REG3A: variants seen among roughly 807,000 people sequenced by gnomAD.
REG3A encodes the protein regenerating islet-derived protein 3-alpha.
In REG3A, 15 loss-of-function variants were observed where a neutral mutation model predicts 20.5. The observed-to-expected ratio is 0.73, with a 90% confidence interval of 0.49 to 1.12. REG3A has a LOEUF of 1.12. Among genes scored for constraint, REG3A ranks in the 50% most tolerant of loss-of-function variants. The pLI is 0.00. For missense variants in REG3A, 224 were observed against 213.1 expected, an observed-to-expected ratio of 1.05 and a Z score of -0.32; for synonymous variants, 93 against 83.2, an observed-to-expected ratio of 1.12 and a Z score of -0.64.
intron 4 of REG3A, 41 bp downstream of exon 4, chr2:79,158,285 G>C (rs765360947): frequency 4.4e-6 from 7 of 1,598,888 alleles, no homozygotes; most frequent in Non-Finnish European, 6.0e-6. Context: ...GGCAACAATA[G>C]CACCTTGAGA....
chr2:79,158,914 C>G, intron 2 of REG3A, 145 bp from the exon 3 acceptor site: 1 of 654,126 alleles, frequency 1.5e-6, no homozygotes, highest in Non-Finnish European at 2.6e-6. Flanking sequence ...TTCAGAAATT[C>G]TTTATCTCAA....
rs1673377664 is a variant in REG3A at position 79,158,743 on chromosome 2, A to T, written c.103T>A (p.Ser35Thr). The change falls in exon 3 of 6, where the codon TCT (serine) becomes ACT (threonine). Residue 35 changes from serine to threonine, a missense_variant. Ser to Thr is a moderately conservative substitution (Grantham distance 58). Coordinates refer to ENST00000305165, the MANE Select transcript of REG3A (RefSeq NM_002580.3). ...CCTTTGGGACAGCGGATCCGTGCAG[A>T]GGGCAGTTCCCTCTGGGGTTCTTCA... ...QGEEPQRELP[S>T]ARIRCPKGSK... 2.5e-6 allele frequency: 4 copies of T among 1,613,676 alleles called. No homozygotes were observed. The highest frequency in any genetic ancestry group is 3.4e-6 in the Non-Finnish European group (4 of 1,179,908).
chr2:79,157,741 G>T, intron 4 of REG3A, 43 bp from the exon 5 acceptor site: 2 of 1,594,300 alleles, frequency 1.3e-6, no homozygotes, highest in Non-Finnish European at 1.7e-6. Context: ...AATGGCCATT[G>T]CAGCTCTTCT....
intron 2 of REG3A, 112 bp downstream of exon 2, chr2:79,159,218 C>T (rs1042325581): frequency 2.7e-6 from 3 of 1,103,854 alleles, no homozygotes; most frequent in East Asian, 2.4e-5. Context: ...GAACTGCAGG[C>T]AGGTTCATTA....
intron 2 of REG3A, 173 bp downstream of exon 2, chr2:79,159,157 C>T (rs1393304828): frequency 3.0e-6 from 2 of 667,464 alleles, no homozygotes; most frequent in Non-Finnish European, 5.2e-6. Flanking sequence ...TAGTGGACCA[C>T]CATGGAGCCT....
chr2:79,159,220 G>C (rs759485861), intron 2 of REG3A, 110 bp downstream of exon 2: 22 of 1,141,530 alleles, frequency 1.9e-5, no homozygotes, highest in African/African-American at 4.6e-5. Flanking sequence ...ACTGCAGGCA[G>C]GTTCATTAGA....
At chr2:79,159,508 G>C in intron 1 of REG3A, 69 bp from the exon 2 acceptor site, 1 of 1,131,792 alleles carries the variant, frequency 8.8e-7, no homozygotes, top group South Asian at 1.3e-5. Context: ...TCCTTCTCTA[G>C]TCCCCTAGGA....
intron 5 of REG3A, 68 bp downstream of exon 5, chr2:79,157,504 A>C (rs1002243112): frequency 1.3e-6 from 2 of 1,585,508 alleles, no homozygotes. Flanking sequence ...AGATTTCCTG[A>C]AGGTCAGACC....
In REG3A at chr2:79,159,359, G is replaced by A. The variant is rs1370503388; in HGVS notation, c.47C>T (p.Ser16Phe). 1 of 1,613,824 alleles carries A rather than the reference G, an allele frequency of 6.2e-7. No individual in the cohort carries two copies. Residue 16 changes from serine to phenylalanine, a missense_variant, in exon 2 of 6, where the codon TCC (serine) becomes TTC (phenylalanine). Ser to Phe is a radical substitution (Grantham distance 155). Coordinates refer to ENST00000305165, the MANE Select transcript of REG3A (RefSeq NM_002580.3). ...AACCTGAGACAGCAGCATGAGGCAG[G>A]AAAGCAGCATCCAAGATACACTGGG... is the stretch of plus-strand genomic sequence containing the variant. ...ALPSVSWMLL[S>F]CLMLLSQVQG...
chr2:79,158,328 G>A lies in REG3A; in HGVS notation c.331C>T (p.Gln111Ter). 2 of 1,613,598 alleles carry A rather than the reference G, an allele frequency of 1.2e-6. No individual in the cohort carries two copies. Among genetic ancestry groups the A allele is most frequent in the Non-Finnish European group, 8.5e-7 (1 of 1,179,704 alleles). Residue 111 changes from glutamine (Q) to a stop codon, truncating the protein, a stop_gained and splice_region_variant, in exon 4 of 6, where the codon CAG becomes TAG. Transcript: ENST00000305165. LOFTEE classifies it high-confidence loss of function. ...YVWIGLHDPT[Q>*]GTEPNGEGWE... is the part of the protein sequence containing the mutation. ...GAGAGGGGAGGATATACTGGCACCT[G>A]TGTGGGGTCATGGAGCCCAATCCAG...
chr2:79,158,908 G>A, intron 2 of REG3A, 139 bp from the exon 3 acceptor site: 1 of 664,070 alleles, frequency 1.5e-6, no homozygotes, highest in Non-Finnish European at 2.6e-6. Flanking sequence ...TATGTTTTCA[G>A]AAATTCTTTA....
At chr2:79,157,405 G>T in intron 5 of REG3A, 112 bp from the exon 6 acceptor site, 1 of 1,437,668 alleles carries the variant, frequency 7.0e-7, no homozygotes, top group South Asian at 1.2e-5. Context: ...ACCTTCACCA[G>T]TGTCCCAATC....
Position 79,157,655 on chromosome 2 carries a change from T to C in REG3A, c.377A>G (p.Asp126Gly), listed in dbSNP as rs1176214554. The C allele has an allele frequency of 6.2e-7, 1 of 1,613,974 alleles. No individual in the cohort carries two copies. Among genetic ancestry groups the C allele is most frequent in the Non-Finnish European group, 8.5e-7 (1 of 1,180,010 alleles). ...CTCCCATGCAAAGTAATTCATCACA[T>C]CACTGCTACTCCACTCCCAACCTTC... ...NGEGWEWSSS[D>G]VMNYFAWERN... Residue 126 changes from aspartate (D) to glycine (G), a missense_variant, in exon 5 of 6, where the codon GAT (aspartate) becomes GGT (glycine). Asp to Gly is a moderately conservative substitution (Grantham distance 94). Transcript: ENST00000305165.
In REG3A at chr2:79,158,787, G is replaced by C. The variant is rs2272110; in HGVS notation, c.77-18C>G. On this transcript the variant is annotated intron_variant, in intron 2 of 5. Coordinates refer to ENST00000305165, the MANE Select transcript of REG3A (RefSeq NM_002580.3). ...TTCTTCACCTGAGGTGGAAGAAGAGGGGGGAGGGTAAAATGAAGAGTGGGG... is the reference window on the plus strand; with the variant it reads ...TTCTTCACCTGAGGTGGAAGAAGAGCGGGGAGGGTAAAATGAAGAGTGGGG... 5.0e-6 allele frequency: 8 copies of C among 1,599,482 alleles called. No individual in the cohort carries two copies. Among genetic ancestry groups the C allele is most frequent in the South Asian group, 1.1e-5 (1 of 90,518 alleles).
rs145613581 is a variant in REG3A at position 79,157,233 on chromosome 2, G to A, written c.521C>T (p.Thr174Ile). The change falls in exon 6 of 6, where the codon ACT (threonine) becomes ATT (isoleucine). Residue 174 changes from threonine (T) to isoleucine (I), a missense_variant. Thr to Ile is a moderately conservative substitution (Grantham distance 89). Transcript: ENST00000305165. The stretch of plus-strand genomic sequence containing the variant: ...GCTGACTTCCCTCCTGCACTAGTCA[G>A]TGAACTTGCAGACATAGGGTAACCT... Reference protein sequence around the residue: ...NVRLPYVCKFTD With the variant: ...NVRLPYVCKFID The A allele has an allele frequency of 4.3e-6, 7 of 1,613,664 alleles. No homozygotes were observed. The highest frequency in any genetic ancestry group is 2.2e-5 in the East Asian group (1 of 44,888).
At position 79,158,762 on chromosome 2, in the gene REG3A, T is replaced by C; in HGVS notation, c.84A>G (p.Glu28=). 1 of 1,612,824 alleles carries C rather than the reference T, an allele frequency of 6.2e-7. No individual in the cohort carries two copies. Among genetic ancestry groups the C allele is most frequent in the Admixed American group, 1.7e-5 (1 of 59,914 alleles). Residue 28 remains glutamate, a synonymous_variant, in exon 3 of 6, where the codon GAA becomes GAG. Transcript: ENST00000305165. The part of the protein sequence containing the change: ...LMLLSQVQGE[E]PQRELPSARI... ...GTGCAGAGGGCAGTTCCCTCTGGGG[T>C]TCTTCACCTGAGGTGGAAGAAGAGG...
rs775648232 is a variant in REG3A, at chr2:79,159,392, A to G, written c.14T>C (p.Met5Thr). ...CATCCAAGATACACTGGGCAGGGCC[A>G]TGGGAGGCAGCATAGTGTCTGCGAC... MLPP[M>T]ALPSVSWMLL... The change falls in exon 2 of 6, where the codon ATG becomes ACG. Residue 5 changes from methionine (M) to threonine (T), a missense_variant. Coordinates refer to ENST00000305165, the MANE Select transcript of REG3A (RefSeq NM_002580.3). 3.7e-6 allele frequency: 6 copies of G among 1,613,762 alleles called. No homozygotes were observed. The highest frequency in any genetic ancestry group is 1.3e-5 in the African/African-American group (1 of 74,822).
chr2:79,158,250 G>A (rs1673359699), intron 4 of REG3A, 76 bp downstream of exon 4: 1 of 1,527,456 alleles, frequency 6.5e-7, no homozygotes, highest in Non-Finnish European at 8.9e-7. Flanking sequence ...TCCTGGGCAG[G>A]CACAGGGGAC....
rs1673403952 is a variant in REG3A at position 79,159,650 on chromosome 2, G to A, written c.-35+78C>T. 4 of 514,234 alleles carry A rather than the reference G, an allele frequency of 7.8e-6. No individual in the cohort carries two copies. In the East Asian group the frequency reaches 1.3e-4, roughly 17 times the overall value. The allele number at this position is 514,234 out of a possible 1,614,324, so 31.9% of individuals were successfully genotyped here. A position where few individuals can be genotyped will look rare whatever the true frequency, so the allele number is the denominator to read the frequency against. ...CAGAGTTCCTGTGCTCCCTGAGGAAGGGACCCTCCCATGTATTCTCCTGTG... is the reference window on the plus strand; with the variant it reads ...CAGAGTTCCTGTGCTCCCTGAGGAAAGGACCCTCCCATGTATTCTCCTGTG... On this transcript the variant is annotated intron_variant, in intron 1 of 5. Transcript: ENST00000305165.
Sources: gnomAD v4.1 joint callset for allele counts on GRCh38, gnomAD v4.1.1 for gene constraint, MANE v1.5 for transcripts, NCBI Gene and HGNC (gene_info 2026-07-23, HGNC 2026-07-21) for gene names.